Variants in ASAP1 observed in about 807,000 individuals in gnomAD.
ASAP1 encodes the protein ArfGAP with SH3 domain, ankyrin repeat and PH domain 1.
Under a neutral mutation model 145.2 loss-of-function variants are expected in ASAP1, and 43 were observed. The ratio of observed to expected loss-of-function variants is 0.30; its 90% CI spans 0.23 to 0.38. The LOEUF (loss-of-function observed/expected upper bound fraction) is 0.38. Among genes scored for constraint, ASAP1 ranks in the 10% least tolerant of loss-of-function variants. ASAP1 has a pLI of 1.00. For missense variants in ASAP1, 1,018 were observed against 1,355.3 expected (o/e 0.75, Z 3.91); for synonymous variants, 546 against 515.5 (o/e 1.06, Z -0.80).
At chr8:130,379,184 C>T (rs1022484419) in intron 2 of ASAP1, among the ~76,000 whole-genome samples, 2 of 152,152 alleles carry the variant, frequency 1.3e-5, no homozygotes, top group Non-Finnish European at 2.9e-5. Flanking sequence ...TGGGTGAGCA[C>T]AGCCATGTTC....
intron 4 of ASAP1, among the ~76,000 whole-genome samples, chr8:130,215,967 GA>G (rs1816882868): frequency 1.2e-5 from 1 of 82,816 alleles, no homozygotes; most frequent in African/African-American, 5.2e-5. Context: ...GAAAGAAAAA[GA>G]AAAAGAAAAA....
chr8:130,072,965 C>T (rs1243647750), intron 27 of ASAP1, among the ~76,000 whole-genome samples: 1 of 151,270 alleles, frequency 6.6e-6, no homozygotes, highest in Non-Finnish European at 1.5e-5. Context: ...AATCCCCACA[C>T]GTTTGTCACA....
intron 27 of ASAP1, 79 bp downstream of exon 27, chr8:130,076,268 AG>A (rs986620044): frequency 3.5e-5 from 34 of 977,398 alleles, no homozygotes; most frequent in Non-Finnish European, 5.2e-5. Flanking sequence ...TCAATGAACA[AG>A]GGAGATAAAA....
chr8:130,128,547 A>G (rs868066339), intron 15 of ASAP1, among the ~76,000 whole-genome samples: 5 of 152,298 alleles, frequency 3.3e-5, no homozygotes, highest in South Asian at 2.1e-4. Flanking sequence ...CTGCAAGTCC[A>G]TGTCAGTGGG....
At chr8:130,111,391 T>C (rs948687541) in intron 24 of ASAP1, among the ~76,000 whole-genome samples, 2 of 151,856 alleles carry the variant, frequency 1.3e-5, no homozygotes, top group Non-Finnish European at 2.9e-5. Context: ...TCTGGAAAAA[T>C]GTTCCTTATT....
chr8:130,060,472 G>A lies in ASAP1; in HGVS notation c.3192+107C>T, dbSNP rs1365616311. ...TTGAACCAGAGCACATAAGGGTCAG[G>A]TGAGCAAGCTCTCACTTTTTCTTGT... On this transcript the variant is annotated intron_variant, in intron 28 of 29. Transcript: ENST00000518721. 4.2e-6 allele frequency: 6 copies of A among 1,430,428 alleles called. No homozygotes were observed. In the East Asian group the frequency reaches 1.1e-4, roughly 27 times the overall value. The allele number at this position is 1,430,428 out of a possible 1,614,324, so 88.6% of individuals were successfully genotyped here.
At chr8:130,170,463 A>G (rs1012891951) in intron 9 of ASAP1, among the ~76,000 whole-genome samples, 1 of 152,174 alleles carries the variant, frequency 6.6e-6, no homozygotes, top group African/African-American at 2.4e-5. Flanking sequence ...CTTAAGGCAT[A>G]TCTTAAGAGA....
chr8:130,169,361 T>C (rs994763706), intron 9 of ASAP1, among the ~76,000 whole-genome samples: 1 of 152,258 alleles, frequency 6.6e-6, no homozygotes, highest in Non-Finnish European at 1.5e-5. Context: ...AGTGATTTCA[T>C]AACGTACATA....
intron 2 of ASAP1, among the ~76,000 whole-genome samples, chr8:130,368,761 GA>G (rs1207334085): frequency 2.0e-5 from 3 of 152,198 alleles, no homozygotes; most frequent in Non-Finnish European, 4.4e-5. Flanking sequence ...ATAACCAAAA[GA>G]TGGCAAGAGA....
At chr8:130,315,257 A>C (rs995761835) in intron 3 of ASAP1, among the ~76,000 whole-genome samples, 5 of 152,170 alleles carry the variant, frequency 3.3e-5, no homozygotes, top group African/African-American at 4.8e-5. Context: ...AGAAGAAACA[A>C]AACCAAAAAA....
At chr8:130,350,389 AT>A (rs1393779567) in intron 3 of ASAP1, among the ~76,000 whole-genome samples, 1 of 152,166 alleles carries the variant, frequency 6.6e-6, no homozygotes, top group Non-Finnish European at 1.5e-5. Context: ...TCTCAAAGCA[AT>A]GAGGACTAAA....
At chr8:130,366,474 C>G (rs1264752779) in intron 2 of ASAP1, among the ~76,000 whole-genome samples, 2 of 152,208 alleles carry the variant, frequency 1.3e-5, no homozygotes, top group Non-Finnish European at 2.9e-5. Context: ...CTCCCTTGGT[C>G]ATTTTCAGAG....
rs1472796674 is a variant in ASAP1 at position 130,423,681 on chromosome 8, G to A, written c.-28+19779C>T. Among the ~76,000 whole-genome samples the A allele has an allele frequency of 3.3e-5, 5 of 152,324 alleles. No homozygotes were observed. The East Asian group carries it at 9.6e-4, about 29-fold the overall frequency. On this transcript the variant is annotated intron_variant, in intron 1 of 29. Transcript: ENST00000518721. ...ATAAGTTGAAAAGAATGTGTAAGAT[G>A]TCACTGTTCGCAAAAACTATGTGTC...
chr8:130,231,634 T>C (rs928081753), intron 4 of ASAP1, among the ~76,000 whole-genome samples: 3 of 152,182 alleles, frequency 2.0e-5, no homozygotes, highest in African/African-American at 7.2e-5. Context: ...GAGTTCCTAG[T>C]CCCAGAAAGA....
rs533001628 is a variant in ASAP1 at position 130,381,607 on chromosome 8, C to A, written c.59+20278G>T. The stretch of plus-strand genomic sequence containing the variant: ...AGGATGACGCCTGGCTTGGAGAATG[C>A]GTCCTCCAAGCTAGAAAAGAATCAC... On this transcript the variant is annotated intron_variant, in intron 2 of 29. Transcript: ENST00000518721. Among the ~76,000 whole-genome samples the A allele has an allele frequency of 1.8e-4, 27 of 152,174 alleles. No homozygotes were observed. In the East Asian group the frequency reaches 3.5e-3, roughly 20 times the overall value.
At chr8:130,258,673 T>C (rs550206571) in intron 3 of ASAP1, among the ~76,000 whole-genome samples, 4 of 152,334 alleles carry the variant, frequency 2.6e-5, no homozygotes, top group Admixed American at 1.3e-4. Flanking sequence ...GGTTCAAAGA[T>C]GGAGCAAGTG....
intron 1 of ASAP1, among the ~76,000 whole-genome samples, chr8:130,409,966 T>C (rs1829194873): frequency 6.6e-6 from 1 of 152,198 alleles, no homozygotes; most frequent in African/African-American, 2.4e-5. Flanking sequence ...GGGACAGGTA[T>C]AGAAACAGAC....
At chr8:130,214,839 G>C in intron 4 of ASAP1, 138 bp from the exon 5 acceptor site, 1 of 685,296 alleles carries the variant, frequency 1.5e-6, no homozygotes, top group Non-Finnish European at 2.4e-6. Context: ...TGTCCCAAAG[G>C]TTAGGTTAGG....
intron 3 of ASAP1, among the ~76,000 whole-genome samples, chr8:130,313,547 A>G (rs1823484731): frequency 6.6e-6 from 1 of 152,224 alleles, no homozygotes; most frequent in Non-Finnish European, 1.5e-5. Flanking sequence ...TTCTCAAATT[A>G]CAGTTATATT....
Sources: gnomAD v4.1 joint callset for allele counts (sites outside exome capture counted in the v4.1 genomes callset) on GRCh38, gnomAD v4.1.1 for gene constraint, MANE v1.5 for transcripts, NCBI Gene and HGNC (gene_info 2026-07-23, HGNC 2026-07-21) for gene names.